The following PCDHGA2 variants were observed in gnomAD, a reference collection of about 807,000 sequenced individuals.
The protein encoded by PCDHGA2 is protocadherin gamma subfamily A, 2, also known as protocadherin gamma-A2.
In PCDHGA2, 40 loss-of-function variants were observed where a neutral mutation model predicts 59.2. That is an observed-to-expected ratio of 0.68 (90% confidence interval 0.52 to 0.88). The LOEUF (loss-of-function observed/expected upper bound fraction) is 0.88, where lower values mean the gene tolerates loss of function less well. Ranked by LOEUF, PCDHGA2 falls within the 40% of genes least tolerant of loss-of-function variation. The probability of loss-of-function intolerance (pLI) is 0.00; values close to 1 mark genes in which losing one functional copy is unlikely to be tolerated. For synonymous variants in PCDHGA2, 560 were observed against 526.0 expected (o/e 1.06, Z -0.89); for missense variants, 1,226 against 1,204.0 (o/e 1.02, Z -0.27).
At chr5:141,427,863 G>A (rs769808388) in intron 1 of PCDHGA2, 1 of 1,557,316 alleles carries the variant, frequency 6.4e-7, no homozygotes, top group Non-Finnish European at 8.8e-7. Context: ...GTGCGCCTTC[G>A]AGCTCACGAT....
rs575679144 is a variant in PCDHGA2, at chr5:141,351,782, G to C, written c.2424+10387G>C. On this transcript the variant is annotated intron_variant, in intron 1 of 3. Coordinates refer to ENST00000394576, the MANE Select transcript of PCDHGA2 (RefSeq NM_018915.4). The stretch of plus-strand genomic sequence containing the variant: ...CTACGTGTCCGTGAGCCCGCAGAGC[G>C]GGGTGGTGTTCGCGCAGCGCGCCTT... 1.3e-5 allele frequency: 21 copies of C among 1,613,456 alleles called. No individual in the cohort carries two copies. Among genetic ancestry groups the C allele is most frequent in the South Asian group, 4.4e-5 (4 of 91,092 alleles).
intron 1 of PCDHGA2, chr5:141,404,062 T>G: frequency 6.2e-7 from 1 of 1,613,906 alleles, no homozygotes; most frequent in African/African-American, 1.3e-5. Flanking sequence ...TTCTTTTCAA[T>G]GCTCATGACC....
At chr5:141,365,876 G>A (rs1764179173) in intron 1 of PCDHGA2, 2 of 1,614,122 alleles carry the variant, frequency 1.2e-6, no homozygotes, top group Non-Finnish European at 1.7e-6. Context: ...TGTCCTGTAT[G>A]CTCTGAGATC....
chr5:141,382,594 A>C, intron 1 of PCDHGA2: 1 of 249,844 alleles, frequency 4.0e-6, no homozygotes, highest in Non-Finnish European at 7.6e-6. Context: ...GAAAGATGAA[A>C]CAATTTTCTA....
chr5:141,441,737 C>T lies in PCDHGA2; in HGVS notation c.2425-53070C>T, dbSNP rs2098268916. 5 of 365,122 alleles carry T rather than the reference C, an allele frequency of 1.4e-5. 1 individual carries two copies. The highest frequency in any genetic ancestry group is 1.1e-4 in the South Asian group (5 of 46,286). 22.6% of individuals were successfully genotyped at this position (365,122 alleles called of 1,614,324 possible). ...TGCAGGCCCGCGACCAGGACTAGCT[C>T]GCGCTCGGCGTCAACGTGAGCCTGC... On this transcript the variant is annotated intron_variant, in intron 1 of 3. Transcript: ENST00000394576.
In PCDHGA2 at chr5:141,393,591, C is replaced by T. The variant is rs369860953; in HGVS notation, c.2424+52196C>T. On this transcript the variant is annotated intron_variant, in intron 1 of 3. Coordinates refer to ENST00000394576, the MANE Select transcript of PCDHGA2 (RefSeq NM_018915.4). ...CCTTGAGAACATGCCCCCAGGCACG[C>T]GGCTGCTTACTGTAACAGCCAGCGA... The T allele has an allele frequency of 1.8e-5, 29 of 1,613,882 alleles. No homozygotes were observed. The Middle Eastern group carries it at 4.9e-4, about 28-fold the overall frequency.
chr5:141,508,790 C>T (rs1181979966), intron 3 of PCDHGA2, among the ~76,000 whole-genome samples: 1 of 152,072 alleles, frequency 6.6e-6, no homozygotes, highest in African/African-American at 2.4e-5. Flanking sequence ...CCCTAAATCA[C>T]TCTGGAATCC....
chr5:141,419,481 C>T (rs2096389716), intron 1 of PCDHGA2: 1 of 1,612,422 alleles, frequency 6.2e-7, no homozygotes, highest in East Asian at 2.2e-5. Flanking sequence ...GGCTCGCCCG[C>T]GCTCAGCGCC....
chr5:141,409,033 A>C, intron 1 of PCDHGA2: 1 of 1,614,028 alleles, frequency 6.2e-7, no homozygotes, highest in South Asian at 1.1e-5. Context: ...ATGCTGAGAT[A>C]AACTACTACT....
intron 1 of PCDHGA2, among the ~76,000 whole-genome samples, chr5:141,472,527 G>A (rs905459978): frequency 1.3e-5 from 2 of 151,468 alleles, no homozygotes; most frequent in African/African-American, 4.9e-5. Flanking sequence ...GTGACAGAGT[G>A]AGACACCATC....
intron 1 of PCDHGA2, chr5:141,413,151 T>G (rs1192899612): frequency 6.4e-7 from 1 of 1,573,560 alleles, no homozygotes; most frequent in Non-Finnish European, 8.6e-7. Context: ...GTGAGGACTT[T>G]GCAGAATTCT....
intron 1 of PCDHGA2, chr5:141,356,549 C>G (rs1174106080): frequency 6.2e-7 from 1 of 1,614,120 alleles, no homozygotes; most frequent in Non-Finnish European, 8.5e-7. Flanking sequence ...GACAACCCAC[C>G]CACTTTCCCT....
At chr5:141,393,203 C>A in intron 1 of PCDHGA2, 1 of 1,613,514 alleles carries the variant, frequency 6.2e-7, no homozygotes, top group South Asian at 1.1e-5. Context: ...ACGATAATAA[C>A]CCAAAATTCC....
At chr5:141,434,978 C>G (rs1287204052) in intron 1 of PCDHGA2, among the ~76,000 whole-genome samples, 2 of 151,700 alleles carry the variant, frequency 1.3e-5, no homozygotes, top group Non-Finnish European at 2.9e-5. Flanking sequence ...TTTGTTAATA[C>G]TCTATATCAT....
At chr5:141,495,452 C>T (rs543717781) in intron 2 of PCDHGA2, among the ~76,000 whole-genome samples, 1 of 152,356 alleles carries the variant, frequency 6.6e-6, no homozygotes, top group Non-Finnish European at 1.5e-5. Context: ...TTGTCCTGCT[C>T]TCTGTCTGTG....
At chr5:141,421,699 G>T (rs751572007) in intron 1 of PCDHGA2, 1 of 1,613,928 alleles carries the variant, frequency 6.2e-7, no homozygotes, top group Admixed American at 1.7e-5. Flanking sequence ...TCTTCCTAAT[G>T]CTAGGGATCC....
intron 1 of PCDHGA2, chr5:141,410,115 C>G (rs1361621262): frequency 6.2e-7 from 1 of 1,612,624 alleles, no homozygotes; most frequent in African/African-American, 1.3e-5. Flanking sequence ...AGGGACGCAG[C>G]CCGCCAGCGC....
At chr5:141,407,622 A>G (rs2094961891) in intron 1 of PCDHGA2, among the ~76,000 whole-genome samples, 3 of 152,316 alleles carry the variant, frequency 2.0e-5, no homozygotes, top group South Asian at 2.1e-4. Context: ...TTGACATTCT[A>G]TATCTCGTAT....
At chr5:141,359,553 C>G (rs954176104) in intron 1 of PCDHGA2, among the ~76,000 whole-genome samples, 1 of 150,936 alleles carries the variant, frequency 6.6e-6, no homozygotes, top group Non-Finnish European at 1.5e-5. Flanking sequence ...TAGGAAAGCT[C>G]TCTATGTACT....
Sources: allele counts gnomAD v4.1 joint callset (sites outside exome capture counted in the v4.1 genomes callset), GRCh38; gene constraint gnomAD v4.1.1; transcripts MANE v1.5; gene names NCBI Gene and HGNC (gene_info 2026-07-23, HGNC 2026-07-21).